The following CCDC169 variants were observed in gnomAD, a reference collection of about 807,000 sequenced individuals.
The protein encoded by CCDC169 is coiled-coil domain-containing protein 169.
A neutral mutation model predicts 36.0 loss-of-function variants in CCDC169; 30 were observed. That is an observed-to-expected ratio of 0.83 (90% CI 0.62 to 1.13). The LOEUF (loss-of-function observed/expected upper bound fraction) is 1.13. CCDC169 is among the 50% of genes most tolerant of loss of function. The pLI is 0.00. For synonymous variants in CCDC169, 85 were observed against 81.5 expected (o/e 1.04, Z -0.23); for missense variants, 245 against 245.9 (o/e 1.00, Z 0.03).
rs144436309 is a variant in CCDC169, at chr13:36,256,174, AGTGT to A, written c.316-2035_316-2032del. On this transcript the variant is annotated intron_variant, in intron 4 of 7. Transcript: ENST00000239859. Reference sequence around the variant, plus strand: ...CTTGAAGATCTCCAGCATGCTGTGAAGTGTGAGGGACGTGATTTGCATCAGTCAC... The same window carrying A: ...CTTGAAGATCTCCAGCATGCTGTGAAGAGGGACGTGATTTGCATCAGTCAC... Among the ~76,000 whole-genome samples the A allele has an allele frequency of 2.3e-3, 357 of 152,294 alleles. 6 individuals carry two copies. In the East Asian group the frequency reaches 0.034, roughly 15 times the overall value.
intron 4 of CCDC169, among the ~76,000 whole-genome samples, chr13:36,279,754 A>G (rs1877273730): frequency 6.6e-6 from 1 of 152,176 alleles, no homozygotes; most frequent in South Asian, 2.1e-4. Flanking sequence ...CCCACCAATT[A>G]GGTGTTGTCT....
intron 5 of CCDC169, 72 bp downstream of exon 5, chr13:36,253,973 A>G: frequency 3.2e-6 from 3 of 945,220 alleles, no homozygotes; most frequent in African/African-American, 1.6e-5. Flanking sequence ...TTAATTATAG[A>G]GTAGGTTTGT....
intron 4 of CCDC169, among the ~76,000 whole-genome samples, chr13:36,270,323 A>T (rs1875873039): frequency 6.6e-6 from 1 of 152,252 alleles, no homozygotes; most frequent in South Asian, 2.1e-4. Flanking sequence ...TGGAATAATC[A>T]TTGTGAAAAG....
At chr13:36,229,116 A>G (rs1390700898), downstream of CCDC169, among the ~76,000 whole-genome samples, 2 of 152,202 alleles carry the variant, frequency 1.3e-5, no homozygotes, top group African/African-American at 4.8e-5. Context: ...GAGACTATAA[A>G]GAAGTAAAGA....
chr13:36,256,898 A>G (rs1361303406), intron 4 of CCDC169, among the ~76,000 whole-genome samples: 3 of 152,198 alleles, frequency 2.0e-5, no homozygotes, highest in Non-Finnish European at 4.4e-5. Flanking sequence ...TAGTCCCAGG[A>G]TTCTGCACAT....
At chr13:36,270,341 T>C (rs1202660902) in intron 4 of CCDC169, among the ~76,000 whole-genome samples, 1 of 152,104 alleles carries the variant, frequency 6.6e-6, no homozygotes, top group Admixed American at 6.5e-5. Flanking sequence ...AAGGACCATA[T>C]TGCCCAAAGC....
At chr13:36,265,264 TCA>T (rs1875125639) in intron 4 of CCDC169, among the ~76,000 whole-genome samples, 1 of 152,352 alleles carries the variant, frequency 6.6e-6, no homozygotes, top group South Asian at 2.1e-4. Flanking sequence ...TCATTGATTT[TCA>T]GTTTGATCAC....
chr13:36,251,632 C>T (rs1873180476), intron 6 of CCDC169, among the ~76,000 whole-genome samples: 1 of 152,106 alleles, frequency 6.6e-6, no homozygotes, highest in South Asian at 2.1e-4. Flanking sequence ...GCATACATTT[C>T]TATTTTATGT....
In CCDC169 at chr13:36,263,549, A is replaced by C. The variant is rs150048423; in HGVS notation, c.316-9406T>G. On this transcript the variant is annotated intron_variant, in intron 4 of 7. Transcript: ENST00000239859. The stretch of plus-strand genomic sequence containing the variant: ...TATTAGAATTTTAAAAATTATATTA[A>C]GAGAATAATTAGGTGAAACAGGACA... Among the ~76,000 whole-genome samples, 304 of 152,336 alleles carry C rather than the reference A, an allele frequency of 2.0e-3. 1 individual carries two copies. Among genetic ancestry groups the C allele is most frequent in the African/African-American group, 6.9e-3 (285 of 41,584 alleles).
intron 2 of CCDC169, among the ~76,000 whole-genome samples, chr13:36,289,887 AT>A (rs1213628308): frequency 6.6e-6 from 1 of 152,216 alleles, no homozygotes; most frequent in Non-Finnish European, 1.5e-5. Flanking sequence ...CATCTTCAAA[AT>A]TGAAACAAAA....
intron 2 of CCDC169, among the ~76,000 whole-genome samples, chr13:36,293,604 G>A (rs569949833): frequency 1.3e-5 from 2 of 152,212 alleles, no homozygotes; most frequent in South Asian, 4.1e-4. Context: ...GCTTGCTCTT[G>A]GGATACATCC....
downstream of CCDC169, among the ~76,000 whole-genome samples, chr13:36,230,134 A>C (rs1277865018): frequency 6.6e-6 from 1 of 152,224 alleles, no homozygotes; most frequent in Non-Finnish European, 1.5e-5. Flanking sequence ...AAGTTACAGA[A>C]ATGCACTTGG....
intron 4 of CCDC169, chr13:36,267,250 A>C (rs2138539918): frequency 6.6e-6 from 1 of 152,348 alleles, no homozygotes; most frequent in South Asian, 2.1e-4. Flanking sequence ...ATGACACACA[A>C]ATTCATGAAG....
downstream of CCDC169, among the ~76,000 whole-genome samples, chr13:36,228,558 A>AT (rs1306886838): frequency 5.3e-5 from 8 of 151,568 alleles, no homozygotes; most frequent in African/African-American, 1.5e-4. Context: ...AAATAATTGG[A>AT]TTTTTTTTTC....
At chr13:36,272,005 A>C (rs955470730) in intron 4 of CCDC169, among the ~76,000 whole-genome samples, 1 of 151,540 alleles carries the variant, frequency 6.6e-6, no homozygotes, top group African/African-American at 2.4e-5. Context: ...GAATCGCTTG[A>C]ACTCAGGAGG....
At chr13:36,279,686 C>G (rs1877265279) in intron 4 of CCDC169, among the ~76,000 whole-genome samples, 1 of 152,108 alleles carries the variant, frequency 6.6e-6, no homozygotes, top group Non-Finnish European at 1.5e-5. Context: ...AAACTATAAC[C>G]TAAAGATCAA....
intron 4 of CCDC169, among the ~76,000 whole-genome samples, chr13:36,275,921 C>T (rs1314760819): frequency 2.6e-5 from 4 of 152,140 alleles, no homozygotes; most frequent in Non-Finnish European, 5.9e-5. Flanking sequence ...TGGACCACAA[C>T]AGAGAATAAT....
At chr13:36,249,112 T>C (rs1263718654) in intron 6 of CCDC169, among the ~76,000 whole-genome samples, 1 of 152,208 alleles carries the variant, frequency 6.6e-6, no homozygotes, top group African/African-American at 2.4e-5. Flanking sequence ...CTCCAGGATA[T>C]AAAAGTGGAA....
chr13:36,263,816 G>A (rs1220856846), intron 4 of CCDC169, among the ~76,000 whole-genome samples: 1 of 152,088 alleles, frequency 6.6e-6, no homozygotes, highest in East Asian at 1.9e-4. Flanking sequence ...TATGCAAGAA[G>A]CTAAACTGAA....
Sources: allele counts gnomAD v4.1 joint callset (sites outside exome capture counted in the v4.1 genomes callset), GRCh38; gene constraint gnomAD v4.1.1; transcripts MANE v1.5; gene names NCBI Gene and HGNC (gene_info 2026-07-23, HGNC 2026-07-21).